KIAA1217: variants seen among roughly 807,000 people sequenced by gnomAD.
KIAA1217 encodes KIAA1217, also known as sickle tail protein homolog.
In KIAA1217, 88 loss-of-function variants were observed where a neutral mutation model predicts 163.9. The ratio of observed to expected loss-of-function variants is 0.54; its 90% CI spans 0.45 to 0.64. KIAA1217 has a LOEUF of 0.64. Ranked by LOEUF, KIAA1217 falls within the 30% of genes least tolerant of loss-of-function variation. The pLI is 0.00. For missense variants in KIAA1217, 2,372 were observed against 2,475.0 expected (o/e 0.96, Z 0.88); for synonymous variants, 903 against 923.1 (o/e 0.98, Z 0.39).
At position 24,544,455 on chromosome 10, in the gene KIAA1217, A is replaced by T. The variant is rs772130270; in HGVS notation, c.5185A>T (p.Thr1729Ser). 11 of 1,613,304 alleles carry T rather than the reference A, an allele frequency of 6.8e-6. No individual in the cohort carries two copies. In the Admixed American group the frequency reaches 1.3e-4, roughly 20 times the overall value. The change falls in exon 19 of 21, where the codon ACG (threonine) becomes TCG (serine). Residue 1729 changes from threonine to serine, a missense_variant. By Grantham distance (58) the Thr-to-Ser change is moderately conservative (BLOSUM62 1). This residue lies in a region of KIAA1217 where 690 missense variants were observed against 677.5 expected (regional missense o/e 1.02). Transcript: ENST00000376454. ...AGGTCCCACTGCCCTAGAGCCCCCT[A>T]CGTCGATACCTTCAGCTTCACGTAA... ...DEGPTALEPP[T>S]SIPSASRKGS...
chr10:23,914,753 C>G (rs1263763335), intron 1 of KIAA1217, among the ~76,000 whole-genome samples: 1 of 152,148 alleles, frequency 6.6e-6, no homozygotes, highest in African/African-American at 2.4e-5. Flanking sequence ...GTGCAACACC[C>G]AGTGCTTAGG....
At chr10:23,864,008 C>A (rs966922883) in intron 1 of KIAA1217, among the ~76,000 whole-genome samples, 3 of 152,182 alleles carry the variant, frequency 2.0e-5, no homozygotes, top group South Asian at 4.2e-4. Flanking sequence ...CTTGTGCCTG[C>A]ATACAGTATA....
chr10:24,359,125 T>TA (rs2049593951), intron 2 of KIAA1217, among the ~76,000 whole-genome samples: 1 of 149,646 alleles, frequency 6.7e-6, no homozygotes, highest in Non-Finnish European at 1.5e-5. Context: ...AGTCTCACTC[T>TA]GTCACCCAGG....
At chr10:24,134,137 G>A (rs2063752492) in intron 2 of KIAA1217, among the ~76,000 whole-genome samples, 1 of 152,198 alleles carries the variant, frequency 6.6e-6, no homozygotes, top group Non-Finnish European at 1.5e-5. Flanking sequence ...GGGTGTTTAA[G>A]GAAGGGCTTC....
intron 5 of KIAA1217, among the ~76,000 whole-genome samples, chr10:24,445,783 T>G (rs530114766): frequency 6.8e-4 from 104 of 152,200 alleles, no homozygotes; most frequent in African/African-American, 2.4e-3. Context: ...TCTATCCTTG[T>G]TGGACATTTG....
At chr10:24,160,230 A>T (rs1461168624) in intron 2 of KIAA1217, among the ~76,000 whole-genome samples, 1 of 152,180 alleles carries the variant, frequency 6.6e-6, no homozygotes, top group Non-Finnish European at 1.5e-5. Flanking sequence ...GATATCATTT[A>T]AAAAGCATTT....
intron 2 of KIAA1217, among the ~76,000 whole-genome samples, chr10:24,129,042 C>T (rs1433189290): frequency 6.6e-6 from 1 of 152,122 alleles, no homozygotes. Context: ...GGGTAGTAAT[C>T]CTTTCTCACC....
intron 1 of KIAA1217, among the ~76,000 whole-genome samples, chr10:23,809,184 A>T (rs1836872167): frequency 6.6e-6 from 1 of 152,126 alleles, no homozygotes; most frequent in Admixed American, 6.6e-5. Context: ...AAGAATGATG[A>T]ATAAATAACA....
chr10:23,820,859 A>T (rs1837585095), intron 1 of KIAA1217, among the ~76,000 whole-genome samples: 1 of 152,190 alleles, frequency 6.6e-6, no homozygotes, highest in Admixed American at 6.5e-5. Context: ...TGCTGGTGGA[A>T]GTAATTTTAA....
intron 1 of KIAA1217, among the ~76,000 whole-genome samples, chr10:23,782,051 G>T (rs1835281869): frequency 6.6e-6 from 1 of 151,824 alleles, no homozygotes; most frequent in African/African-American, 2.4e-5. Flanking sequence ...TGGGGTTTTT[G>T]TAGTTCTATA....
intron 1 of KIAA1217, among the ~76,000 whole-genome samples, chr10:23,941,397 A>T (rs11013805): frequency 0.2 from 30,473 of 152,194 alleles, 3,311 homozygotes; most frequent in Middle Eastern, 0.27. Flanking sequence ...AAGTTACTAC[A>T]GAGTGACCAA....
chr10:24,336,253 A>T (rs746132873), intron 2 of KIAA1217, among the ~76,000 whole-genome samples: 9 of 152,302 alleles, frequency 5.9e-5, no homozygotes, highest in Non-Finnish European at 1.0e-4. Context: ...TAATTAATTA[A>T]TTACTTACCT....
At chr10:23,937,259 G>A (rs1423808813) in intron 1 of KIAA1217, among the ~76,000 whole-genome samples, 1 of 152,134 alleles carries the variant, frequency 6.6e-6, no homozygotes, top group Non-Finnish European at 1.5e-5. Context: ...AGTGAGGGAG[G>A]AGCGCACCTA....
chr10:24,027,320 C>T (rs1335208182), intron 2 of KIAA1217, among the ~76,000 whole-genome samples: 1 of 152,088 alleles, frequency 6.6e-6, no homozygotes, highest in African/African-American at 2.4e-5. Flanking sequence ...TGTTTGTATT[C>T]TCTTAGCAAT....
intron 1 of KIAA1217, among the ~76,000 whole-genome samples, chr10:23,785,571 C>T (rs2130911912): frequency 6.6e-6 from 1 of 152,274 alleles, no homozygotes; most frequent in Non-Finnish European, 1.5e-5. Flanking sequence ...TGCACACATA[C>T]ATACCTACAA....
chr10:24,173,106 G>A (rs909562908), intron 2 of KIAA1217, among the ~76,000 whole-genome samples: 9 of 152,218 alleles, frequency 5.9e-5, no homozygotes, highest in South Asian at 2.1e-4. Flanking sequence ...CCTATCACTC[G>A]CATTACCTCC....
At chr10:23,730,136 C>G (rs1044432419) in intron 1 of KIAA1217, among the ~76,000 whole-genome samples, 3 of 152,072 alleles carry the variant, frequency 2.0e-5, no homozygotes, top group Admixed American at 1.3e-4. Flanking sequence ...CTCCTGACCT[C>G]GTGATCTGCC....
chr10:24,396,163 C>G (rs4528207), intron 3 of KIAA1217, among the ~76,000 whole-genome samples: 2,028 of 151,994 alleles, frequency 0.013, 47 homozygotes, highest in African/African-American at 0.046. Context: ...ATGGTGAAAC[C>G]CTCTCTCTAC....
intron 2 of KIAA1217, among the ~76,000 whole-genome samples, chr10:24,172,704 C>T (rs2065688078): frequency 6.6e-6 from 1 of 152,202 alleles, no homozygotes; most frequent in African/African-American, 2.4e-5. Context: ...ATCTGAAGGA[C>T]ACAGTTGACC....
Sources: gnomAD v4.1 joint callset for allele counts (sites outside exome capture counted in the v4.1 genomes callset) on GRCh38, gnomAD v4.1.1 for gene constraint, gnomAD v4.1.1 regional missense constraint, MANE v1.5 for transcripts, NCBI Gene and HGNC (gene_info 2026-07-23, HGNC 2026-07-21) for gene names.